Variants in VSNL1 observed in about 807,000 individuals in gnomAD.
VSNL1 encodes the protein visinin-like protein 1.
In VSNL1, 6 loss-of-function variants were observed where a neutral mutation model predicts 20.4. The observed-to-expected ratio is 0.29, with a 90% CI of 0.16 to 0.58. The LOEUF (loss-of-function observed/expected upper bound fraction) is 0.58, where lower values mean the gene tolerates loss of function less well. VSNL1 is among the 20% of genes least tolerant of loss of function. The pLI is 0.90. For missense variants in VSNL1, 100 were observed against 234.5 expected (o/e 0.43, Z 3.75); for synonymous variants, 93 against 86.4 (o/e 1.08, Z -0.42).
At chr2:17,613,826 G>C (rs1665148761) in intron 2 of VSNL1, among the ~76,000 whole-genome samples, 1 of 152,180 alleles carries the variant, frequency 6.6e-6, no homozygotes, top group Non-Finnish European at 1.5e-5. Flanking sequence ...AATGTAAATA[G>C]CTTCTTCCAT....
intron 1 of VSNL1, among the ~76,000 whole-genome samples, chr2:17,550,164 A>G (rs1047395182): frequency 2.6e-5 from 4 of 152,216 alleles, no homozygotes; most frequent in Non-Finnish European, 4.4e-5. Context: ...TAGATTTTAA[A>G]AAGGTGATTT....
At chr2:17,607,330 C>T (rs940119939) in intron 2 of VSNL1, among the ~76,000 whole-genome samples, 32 of 152,170 alleles carry the variant, frequency 2.1e-4, no homozygotes, top group African/African-American at 4.6e-4. Flanking sequence ...ATTTGTGAGG[C>T]GAAATGAAAC....
At chr2:17,574,774 C>G (rs1664165880) in intron 1 of VSNL1, among the ~76,000 whole-genome samples, 1 of 151,998 alleles carries the variant, frequency 6.6e-6, no homozygotes, top group South Asian at 2.1e-4. Flanking sequence ...AGCTATCAAA[C>G]TTTGTTTTTT....
chr2:17,637,888 G>A lies in VSNL1; in HGVS notation c.163-11522G>A, dbSNP rs186250289. ...CCTTTGCTGAGTCCTTGAGGTTGAC[G>A]CAGCACTTTCCCGGACGTGGTCTCA... On this transcript the variant is annotated intron_variant, in intron 2 of 3. Transcript: ENST00000295156. 6.4e-4 allele frequency among the ~76,000 whole-genome samples: 97 copies of A among 152,280 alleles called. 2 individuals are homozygous for A. Among genetic ancestry groups the A allele is most frequent in the Middle Eastern group, 6.8e-3 (2 of 294 alleles).
intron 1 of VSNL1, among the ~76,000 whole-genome samples, chr2:17,590,101 C>T (rs1287633822): frequency 6.6e-6 from 1 of 152,194 alleles, no homozygotes; most frequent in Non-Finnish European, 1.5e-5. Flanking sequence ...CCAGGGAGCT[C>T]CCCTAATCCT....
intron 2 of VSNL1, among the ~76,000 whole-genome samples, chr2:17,638,342 G>A (rs1665802612): frequency 6.6e-6 from 1 of 152,192 alleles, no homozygotes. Flanking sequence ...CTGACACATA[G>A]TAAGTGTTAC....
intron 2 of VSNL1, among the ~76,000 whole-genome samples, chr2:17,626,986 CA>C (rs1227051282): frequency 6.6e-6 from 1 of 152,198 alleles, no homozygotes; most frequent in Non-Finnish European, 1.5e-5. Context: ...TAACAGCAAT[CA>C]AAGCAATAAA....
At chr2:17,574,000 G>A (rs1198884886) in intron 1 of VSNL1, among the ~76,000 whole-genome samples, 3 of 152,208 alleles carry the variant, frequency 2.0e-5, no homozygotes, top group South Asian at 2.1e-4. Context: ...CCAAACATGC[G>A]TTTTGTACAA....
At chr2:17,576,081 A>T in intron 1 of VSNL1, among the ~76,000 whole-genome samples, 1 of 152,204 alleles carries the variant, frequency 6.6e-6, no homozygotes, top group Admixed American at 6.5e-5. Flanking sequence ...CCTGATACTT[A>T]ACATGGTTTC....
intron 1 of VSNL1, among the ~76,000 whole-genome samples, chr2:17,547,302 T>C (rs1055661401): frequency 6.6e-6 from 1 of 152,118 alleles, no homozygotes; most frequent in South Asian, 2.1e-4. Context: ...AATGGCTTAT[T>C]ATTGAAAATG....
chr2:17,644,651 C>T (rs953403144), intron 2 of VSNL1, among the ~76,000 whole-genome samples: 2 of 152,168 alleles, frequency 1.3e-5, no homozygotes, highest in Non-Finnish European at 2.9e-5. Flanking sequence ...CAGTTACTTA[C>T]CCCAGAAAAA....
At chr2:17,638,729 C>A (rs746873114) in intron 2 of VSNL1, among the ~76,000 whole-genome samples, 1 of 152,212 alleles carries the variant, frequency 6.6e-6, no homozygotes, top group Non-Finnish European at 1.5e-5. Context: ...TTCCCCTCTG[C>A]CCTGAGATCT....
rs1374396616 is a variant in VSNL1 at position 17,655,839 on chromosome 2, CA to C, written c.*446del. ...CTCCTGTAAAATACTATTGGACAGA[CA>C]CAGAGGGACCCTTGGCTCCTGTGTC... On this transcript the variant is annotated 3_prime_UTR_variant, in exon 4 of 4. Coordinates refer to ENST00000295156, the MANE Select transcript of VSNL1 (RefSeq NM_003385.5). This position sits in a 1 kb window ranked among gnomAD's most constrained non-coding sequence, Gnocchi z 5.2. 3 of 159,142 alleles carry C rather than the reference CA, an allele frequency of 1.9e-5. No homozygotes were observed. The highest frequency in any genetic ancestry group is 7.2e-5 in the African/African-American group (3 of 41,522). 9.9% of individuals were successfully genotyped at this position (159,142 alleles called of 1,614,324 possible).
Position 17,656,084 on chromosome 2 carries a change from C to A in VSNL1, c.*690C>A, listed in dbSNP as rs1240539984. The stretch of plus-strand genomic sequence containing the variant: ...ACATATACACAAAGATATTATTTAT[C>A]GAAAGTAAAAAAGATGGAAGTGTAT... On this transcript the variant is annotated 3_prime_UTR_variant, in exon 4 of 4. Coordinates refer to ENST00000295156, the MANE Select transcript of VSNL1 (RefSeq NM_003385.5). The A allele has an allele frequency of 6.6e-6, 1 of 152,442 alleles. No individual in the cohort carries two copies. The highest frequency in any genetic ancestry group is 2.4e-5 in the African/African-American group (1 of 41,362). The allele number at this position is 152,442 out of a possible 1,614,324, so 9.4% of individuals were successfully genotyped here.
At position 17,634,787 on chromosome 2, in the gene VSNL1, C is replaced by T. The variant is rs1030406975; in HGVS notation, c.163-14623C>T. Among the ~76,000 whole-genome samples, 1 of 152,200 alleles carries T rather than the reference C, an allele frequency of 6.6e-6. No individual in the cohort carries two copies. Among genetic ancestry groups the T allele is most frequent in the East Asian group, 1.9e-4 (1 of 5,196 alleles). On this transcript the variant is annotated intron_variant, in intron 2 of 3. Transcript: ENST00000295156. The surrounding 1 kb of genome is among the most constrained non-coding windows in gnomAD (Gnocchi z 4.3). ...TAGTCACACAGTTCCATCCCACCCA[C>T]TTCGTGCTCTGGTGCTGCTTCCACT...
intron 2 of VSNL1, among the ~76,000 whole-genome samples, chr2:17,646,208 TCA>T (rs1380928149): frequency 6.6e-6 from 1 of 152,134 alleles, no homozygotes; most frequent in African/African-American, 2.4e-5. Flanking sequence ...AGAAAATAAC[TCA>T]GTTAGAATCT....
chr2:17,611,789 C>G (rs1159764295), intron 2 of VSNL1, among the ~76,000 whole-genome samples: 1 of 152,214 alleles, frequency 6.6e-6, no homozygotes, highest in African/African-American at 2.4e-5. Flanking sequence ...TGCCCTCACC[C>G]AAACCTGCTC....
chr2:17,550,547 CT>C (rs772220339), intron 1 of VSNL1, among the ~76,000 whole-genome samples: 1 of 152,140 alleles, frequency 6.6e-6, no homozygotes, highest in African/African-American at 2.4e-5. Context: ...AGCAAAGAAG[CT>C]TTGGAAATAA....
chr2:17,620,186 C>T (rs572942846), intron 2 of VSNL1, among the ~76,000 whole-genome samples: 3 of 152,104 alleles, frequency 2.0e-5, no homozygotes, highest in African/African-American at 7.2e-5. Context: ...CTAATGTGTC[C>T]GTCAGGCAGA....
Sources: gnomAD v4.1 joint callset for allele counts (sites outside exome capture counted in the v4.1 genomes callset) on GRCh38, gnomAD v4.1.1 for gene constraint, Gnocchi (gnomAD v3.1) non-coding constraint, MANE v1.5 for transcripts, NCBI Gene and HGNC (gene_info 2026-07-23, HGNC 2026-07-21) for gene names.